Variants in GRAMD1B observed in about 807,000 individuals in gnomAD.
GRAMD1B encodes the protein protein Aster-B.
Under a neutral mutation model 99.7 loss-of-function variants are expected in GRAMD1B, and 37 were observed. The observed-to-expected ratio is 0.37, with a 90% CI of 0.29 to 0.49. The LOEUF (loss-of-function observed/expected upper bound fraction) is 0.49, where lower values mean the gene tolerates loss of function less well. Among genes scored for constraint, GRAMD1B ranks in the 20% least tolerant of loss-of-function variants. The probability of loss-of-function intolerance (pLI) is 0.98; values close to 1 mark genes in which losing one functional copy is unlikely to be tolerated. For synonymous variants in GRAMD1B, 427 were observed against 387.6 expected (o/e 1.10, Z -1.19); for missense variants, 888 against 1,009.2 (o/e 0.88, Z 1.63).
At chr11:123,457,965 C>T (rs2134448976) in intron 1 of GRAMD1B, among the ~76,000 whole-genome samples, 1 of 152,326 alleles carries the variant, frequency 6.6e-6, no homozygotes, top group Non-Finnish European at 1.5e-5. Context: ...ATCCTCCTGC[C>T]TCGGCCTCCC....
intron 2 of GRAMD1B, among the ~76,000 whole-genome samples, chr11:123,557,203 G>A (rs1313259439): frequency 6.6e-6 from 1 of 152,176 alleles, no homozygotes; most frequent in African/African-American, 2.4e-5. Context: ...CACATAAATA[G>A]TACTCTTTTG....
At chr11:123,501,303 T>G (rs899269788) in intron 2 of GRAMD1B, among the ~76,000 whole-genome samples, 6 of 152,176 alleles carry the variant, frequency 3.9e-5, no homozygotes, top group Admixed American at 3.9e-4. Context: ...CCTGAGTGGC[T>G]GGGACCACAG....
intron 2 of GRAMD1B, among the ~76,000 whole-genome samples, chr11:123,486,373 G>GT (rs1422719515): frequency 1.3e-5 from 2 of 151,888 alleles, no homozygotes; most frequent in African/African-American, 4.8e-5. Context: ...CATGGCAAAA[G>GT]CCCGTCTTTA....
rs763191244 is a variant in GRAMD1B, at chr11:123,584,273, C to T, written c.664-39C>T. The T allele has an allele frequency of 7.4e-6, 7 of 951,810 alleles. No homozygotes were observed. The South Asian group carries it at 1.0e-4, about 14-fold the overall frequency. 59.0% of individuals were successfully genotyped at this position (951,810 alleles called of 1,614,324 possible). On this transcript the variant is annotated intron_variant, in intron 3 of 19. Coordinates refer to ENST00000635736, the MANE Select transcript of GRAMD1B (RefSeq NM_001387025.1). ...CCTGGCCCTTCCCCCCATTTCTTCC[C>T]TGACTAATTCTACCTTCTCTTTCAT...
At chr11:123,589,320 C>T (rs1950387963) in intron 4 of GRAMD1B, among the ~76,000 whole-genome samples, 1 of 151,774 alleles carries the variant, frequency 6.6e-6, no homozygotes, top group South Asian at 2.1e-4. Flanking sequence ...CGTCTGCATC[C>T]GTGGGGTGTC....
At chr11:123,520,235 G>A (rs137931035) in intron 2 of GRAMD1B, among the ~76,000 whole-genome samples, 181 of 152,282 alleles carry the variant, frequency 1.2e-3, no homozygotes, top group African/African-American at 4.1e-3. Flanking sequence ...GGTAACAAGA[G>A]ACTTGGAGTA....
chr11:123,586,645 C>T (rs1312355823), intron 4 of GRAMD1B, among the ~76,000 whole-genome samples: 1 of 152,206 alleles, frequency 6.6e-6, no homozygotes, highest in Non-Finnish European at 1.5e-5. Flanking sequence ...ACGAGCTCCT[C>T]TCCGCAGCAC....
In GRAMD1B at chr11:123,391,449, T is replaced by C. The variant is rs12099037; in HGVS notation, c.-176+32650T>C. 6.5e-3 allele frequency among the ~76,000 whole-genome samples: 987 copies of C among 152,264 alleles called. 15 individuals are homozygous for C. Among genetic ancestry groups the C allele is most frequent in the African/African-American group, 0.023 (950 of 41,548 alleles). On this transcript the variant is annotated intron_variant, in intron 1 of 20. Transcript: ENST00000638157. ...CCTTCTTGGCATCTTGATTTTAGTT[T>C]GTTTTTTGTTTGTTTGTTTGTTTGA...
intron 1 of GRAMD1B, among the ~76,000 whole-genome samples, chr11:123,431,438 A>G (rs1948884149): frequency 1.3e-5 from 2 of 152,268 alleles, no homozygotes; most frequent in Non-Finnish European, 2.9e-5. Context: ...TGATCCTCGC[A>G]GCGAAATAAA....
intron 2 of GRAMD1B, among the ~76,000 whole-genome samples, chr11:123,514,471 G>A (rs371718996): frequency 6.6e-6 from 1 of 152,322 alleles, no homozygotes; most frequent in South Asian, 2.1e-4. Flanking sequence ...TAAATGCAAT[G>A]TCTTAGGATT....
At chr11:123,387,296 C>T (rs1947097844) in intron 1 of GRAMD1B, among the ~76,000 whole-genome samples, 1 of 152,164 alleles carries the variant, frequency 6.6e-6, no homozygotes, top group Non-Finnish European at 1.5e-5. Context: ...TTGGCACAGG[C>T]TTCTCCTGGA....
upstream of GRAMD1B, among the ~76,000 whole-genome samples, chr11:123,426,701 T>C (rs1337384509): frequency 6.6e-6 from 1 of 152,160 alleles, no homozygotes; most frequent in East Asian, 1.9e-4. Context: ...TCCTGTGTCT[T>C]TGGGAGTTCC....
At chr11:123,363,361 A>G (rs1160726611) in intron 1 of GRAMD1B, among the ~76,000 whole-genome samples, 5 of 152,220 alleles carry the variant, frequency 3.3e-5, no homozygotes, top group Non-Finnish European at 5.9e-5. Context: ...ATAATATTCT[A>G]TTTAATCAGA....
In GRAMD1B at chr11:123,580,620, C is replaced by G. The variant is rs533397407; in HGVS notation, c.663+3043C>G. The stretch of plus-strand genomic sequence containing the variant: ...AGGTGATCGCTAAGGCCCGACCCCT[C>G]TGGATCCATCATTGTGCTGTCCAGG... On this transcript the variant is annotated intron_variant, in intron 3 of 19. Coordinates refer to ENST00000635736, the MANE Select transcript of GRAMD1B (RefSeq NM_001387025.1). 2.0e-5 allele frequency among the ~76,000 whole-genome samples: 3 copies of G among 152,358 alleles called. No homozygotes were observed. The South Asian group carries it at 6.2e-4, about 32-fold the overall frequency.
intron 4 of GRAMD1B, among the ~76,000 whole-genome samples, chr11:123,592,130 C>T (rs1950729046): frequency 6.6e-6 from 1 of 152,214 alleles, no homozygotes; most frequent in South Asian, 2.1e-4. Context: ...TGTTTGGGGT[C>T]TCCTGGTCGG....
At chr11:123,567,667 T>A (rs1311761165) in intron 2 of GRAMD1B, among the ~76,000 whole-genome samples, 1 of 152,174 alleles carries the variant, frequency 6.6e-6, no homozygotes, top group Non-Finnish European at 1.5e-5. Flanking sequence ...TGTTCCTGGA[T>A]TGAATTCCAA....
chr11:123,442,440 G>A (rs890195860), intron 1 of GRAMD1B, among the ~76,000 whole-genome samples: 5 of 152,242 alleles, frequency 3.3e-5, no homozygotes, highest in African/African-American at 7.2e-5. Context: ...AATTCAGGGC[G>A]AGTACACAAT....
chr11:123,552,738 C>A (rs1446372426), intron 2 of GRAMD1B, among the ~76,000 whole-genome samples: 1 of 152,126 alleles, frequency 6.6e-6, no homozygotes, highest in Non-Finnish European at 1.5e-5. Flanking sequence ...CAGGTGTGCT[C>A]ATTATCTCTT....
rs942492228 is a variant in GRAMD1B, at chr11:123,492,464, G to A, written c.452+11571G>A. On this transcript the variant is annotated intron_variant, in intron 2 of 19. Coordinates refer to ENST00000635736, the MANE Select transcript of GRAMD1B (RefSeq NM_001387025.1). The surrounding 1 kb of genome is among the most constrained non-coding windows in gnomAD (Gnocchi z 4.2). The stretch of plus-strand genomic sequence containing the variant: ...AGAATTATTTGAGCATGCATCAGAT[G>A]TGGGGTGCTTTTTCCTAAAACAGCC... Among the ~76,000 whole-genome samples, 7 of 152,146 alleles carry A rather than the reference G, an allele frequency of 4.6e-5. No homozygotes were observed. The highest frequency in any genetic ancestry group is 4.6e-4 in the Admixed American group (7 of 15,270).
Sources: gnomAD v4.1 joint callset for allele counts (sites outside exome capture counted in the v4.1 genomes callset) on GRCh38, gnomAD v4.1.1 for gene constraint, Gnocchi (gnomAD v3.1) non-coding constraint, MANE v1.5 for transcripts, NCBI Gene and HGNC (gene_info 2026-07-23, HGNC 2026-07-21) for gene names.